The following C1QTNF5 variants were observed in gnomAD, a reference collection of about 807,000 sequenced individuals.
The protein encoded by C1QTNF5 is C1q and TNF related 5.
Under a neutral mutation model 10.9 loss-of-function variants are expected in C1QTNF5, and 5 were observed. That is an observed-to-expected ratio of 0.46 (90% CI 0.24 to 0.97). The LOEUF (loss-of-function observed/expected upper bound fraction) is 0.97, where lower values mean the gene tolerates loss of function less well. Ranked by LOEUF, C1QTNF5 falls within the 50% of genes least tolerant of loss-of-function variation. The pLI is 0.19. For synonymous variants in C1QTNF5, 161 were observed against 156.5 expected (o/e 1.03, Z -0.22); for missense variants, 281 against 339.4 (o/e 0.83, Z 1.35).
In C1QTNF5 at chr11:119,339,428, C is replaced by G. The variant is rs1258935333; in HGVS notation, c.635G>C (p.Gly212Ala). ...GCTGGCATAGATGCCAATGTAGTCA[C>G]CCACACCCACCTGCACCCACACTTG... ...EDQVWVQVGV[G>A]DYIGIYASIK... The change falls in exon 3 of 3, where the codon GGT becomes GCT. Residue 212 changes from glycine (G) to alanine (A), a missense_variant. Transcript: ENST00000528368. This position sits in a 1 kb window ranked among gnomAD's most constrained non-coding sequence, Gnocchi z 5.4. The G allele has an allele frequency of 1.2e-6, 2 of 1,613,844 alleles. No individual in the cohort carries two copies. The highest frequency in any genetic ancestry group is 1.7e-6 in the Non-Finnish European group (2 of 1,179,828).
At chr11:119,342,011 G>A (rs1950507914), upstream of C1QTNF5, 1 of 1,612,424 alleles carries the variant, frequency 6.2e-7, no homozygotes, top group African/African-American at 1.3e-5. Flanking sequence ...GAGGGCCACT[G>A]TGGGGACTGC....
At chr11:119,344,445 A>G (rs979607337), upstream of C1QTNF5, 113 of 1,574,234 alleles carry the variant, frequency 7.2e-5, no homozygotes, top group East Asian at 2.3e-4. Flanking sequence ...CCTCCATCCA[A>G]TAGGGCTGGC....
upstream of C1QTNF5, chr11:119,345,829 G>A (rs142584359): frequency 5.3e-5 from 86 of 1,613,976 alleles, no homozygotes; most frequent in Non-Finnish European, 6.9e-5. Flanking sequence ...GGTCCCAGCT[G>A]CCTGAGAGGT....
chr11:119,345,950 G>A, the C1QTNF5 span: 4 of 1,613,692 alleles, frequency 2.5e-6, no homozygotes, highest in Non-Finnish European at 2.5e-6. Flanking sequence ...AAGATGGAGG[G>A]TGGCGTTCAG....
chr11:119,342,460 C>A, upstream of C1QTNF5: 2 of 1,159,076 alleles, frequency 1.7e-6, no homozygotes, highest in Non-Finnish European at 2.4e-6. Context: ...GTGAAGTGGT[C>A]CCAGAGTCAG....
chr11:119,345,294 C>T, upstream of C1QTNF5: 2 of 988,844 alleles, frequency 2.0e-6, no homozygotes, highest in East Asian at 5.1e-5. Flanking sequence ...GGTGGCAGAG[C>T]TGGGCCCAGA....
upstream of C1QTNF5, chr11:119,345,310 A>AGTCTCTCAATTTCTTCCTC (rs2135373051): frequency 8.8e-7 from 1 of 1,130,380 alleles, no homozygotes; most frequent in Non-Finnish European, 1.3e-6. Flanking sequence ...CCAGAGGTCT[A>AGTCTCTCAATTTCTTCCTC]GTCTCTCAAT....
upstream of C1QTNF5, chr11:119,342,863 G>T (rs764657694): frequency 1.2e-6 from 2 of 1,612,958 alleles, no homozygotes; most frequent in Admixed American, 3.3e-5. Flanking sequence ...ACTTGCCCAG[G>T]GGCACCTACT....
upstream of C1QTNF5, chr11:119,341,998 G>A (rs1403920624): frequency 6.2e-7 from 1 of 1,613,122 alleles, no homozygotes; most frequent in Non-Finnish European, 8.5e-7. Context: ...CAGGGGTGGA[G>A]GGGAGGGCCA....
At position 119,339,314 on chromosome 11, in the gene C1QTNF5, T is replaced by C; in HGVS notation, c.*17A>G. On this transcript the variant is annotated 3_prime_UTR_variant, in exon 3 of 3. Coordinates refer to ENST00000528368, the MANE Select transcript of C1QTNF5 (RefSeq NM_001278431.2). The surrounding 1 kb of genome is among the most constrained non-coding windows in gnomAD (Gnocchi z 5.4). ...TCCTTCTAGGAGTGAGAGCATGAGCTCACTTTGCAGTGGGCACTAAGCAAA... is the reference window on the plus strand; with the variant it reads ...TCCTTCTAGGAGTGAGAGCATGAGCCCACTTTGCAGTGGGCACTAAGCAAA... 1 of 1,609,874 alleles carries C rather than the reference T, an allele frequency of 6.2e-7. No homozygotes were observed. The highest frequency in any genetic ancestry group is 8.5e-7 in the Non-Finnish European group (1 of 1,177,486).
In C1QTNF5 at chr11:119,339,867, G is replaced by C. The variant is rs774210596; in HGVS notation, c.215-19C>G. 1.4e-6 allele frequency: 2 copies of C among 1,457,554 alleles called. No homozygotes were observed. Among genetic ancestry groups the C allele is most frequent in the Middle Eastern group, 2.5e-4 (1 of 4,058 alleles). 90.3% of individuals were successfully genotyped at this position (1,457,554 alleles called of 1,614,324 possible). A position where few individuals can be genotyped will look rare whatever the true frequency, so the allele number is the denominator to read the frequency against. On this transcript the variant is annotated intron_variant, in intron 2 of 2. Transcript: ENST00000528368. The surrounding 1 kb of genome is among the most constrained non-coding windows in gnomAD (Gnocchi z 5.4). Reference sequence around the variant, plus strand: ...GGCAGTCCTGCGGGGTAAGCGGGGCGGCAGGGTGAGAGTAGCGGCGGCTCA... The same window carrying C: ...GGCAGTCCTGCGGGGTAAGCGGGGCCGCAGGGTGAGAGTAGCGGCGGCTCA...
upstream of C1QTNF5, chr11:119,343,815 C>G: frequency 6.2e-7 from 1 of 1,613,852 alleles, no homozygotes; most frequent in South Asian, 1.1e-5. Context: ...GGCTCCTGTA[C>G]CTGCCCAGGA....
the C1QTNF5 span, chr11:119,346,626 G>T: frequency 4.5e-6 from 5 of 1,102,434 alleles, no homozygotes; most frequent in Non-Finnish European, 5.5e-6. Context: ...CTACCCGAGG[G>T]AAAAGGCTGC....
upstream of C1QTNF5, chr11:119,341,935 G>A (rs534138745): frequency 1.7e-5 from 28 of 1,613,984 alleles, no homozygotes; most frequent in South Asian, 2.6e-4. Flanking sequence ...CTGTGGTGTT[G>A]TAGCTCAGAC....
chr11:119,344,574 GC>G, upstream of C1QTNF5: 1 of 1,611,636 alleles, frequency 6.2e-7, no homozygotes, highest in East Asian at 2.2e-5. Flanking sequence ...GAGCTGGGGA[GC>G]CCAGCTTGAA....
upstream of C1QTNF5, chr11:119,341,126 G>A (rs1950498951): frequency 4.4e-6 from 1 of 228,008 alleles, no homozygotes; most frequent in South Asian, 6.3e-5. Context: ...AGAGAGATGA[G>A]GGTGGAGAGT....
rs1275600605 is a variant in C1QTNF5, at chr11:119,340,696, C to A, written c.-45G>T. The A allele has an allele frequency of 6.9e-6, 3 of 435,450 alleles. No individual in the cohort carries two copies. The highest frequency in any genetic ancestry group is 1.2e-5 in the Non-Finnish European group (3 of 242,186). The allele number at this position is 435,450 out of a possible 1,614,324, so 27.0% of individuals were successfully genotyped here. ...TTTCCCCTCCTCCGCCAGACTCACC[C>A]CCCCTCCCGGCTCCCCGATGGCCTC... On this transcript the variant is annotated splice_region_variant and 5_prime_UTR_variant, in exon 1 of 3. Coordinates refer to ENST00000528368, the MANE Select transcript of C1QTNF5 (RefSeq NM_001278431.2).
chr11:119,344,546 C>T (rs10892350), upstream of C1QTNF5: 858,796 of 1,605,730 alleles, frequency 0.53, 231,748 homozygotes, highest in Admixed American at 0.7. Flanking sequence ...ACGGAGGGCC[C>T]GGTTTGAGGC....
upstream of C1QTNF5, chr11:119,342,531 C>A (rs1030164798): frequency 5.6e-6 from 9 of 1,594,986 alleles, no homozygotes; most frequent in Non-Finnish European, 6.8e-6. Context: ...CTGTGCAGTA[C>A]GGCAGTAGGG....
Sources: allele counts gnomAD v4.1 joint callset, GRCh38; gene constraint gnomAD v4.1.1; non-coding constraint Gnocchi (gnomAD v3.1); transcripts MANE v1.5; gene names NCBI Gene and HGNC (gene_info 2026-07-23, HGNC 2026-07-21).